The following AKAP6 variants were observed in gnomAD, a reference collection of about 807,000 sequenced individuals.
The protein encoded by AKAP6 is A-kinase anchoring protein 6, also known as A-kinase anchor protein 6.
AKAP6 carries 58 observed loss-of-function variants against 188.5 expected under a neutral mutation model. That is an observed-to-expected ratio of 0.31 (90% CI 0.25 to 0.38). The LOEUF (loss-of-function observed/expected upper bound fraction) is 0.38, where lower values mean the gene tolerates loss of function less well. Ranked by LOEUF, AKAP6 falls within the 10% of genes least tolerant of loss-of-function variation. The pLI is 1.00. For synonymous variants in AKAP6, 989 were observed against 998.6 expected, an observed-to-expected ratio of 0.99 and a Z score of 0.18; for missense variants, 2,710 against 2,740.0, an observed-to-expected ratio of 0.99 and a Z score of 0.24.
intron 12 of AKAP6, among the ~76,000 whole-genome samples, chr14:32,781,929 G>A (rs1045631518): frequency 4.6e-5 from 7 of 152,036 alleles, no homozygotes; most frequent in South Asian, 2.1e-4. Context: ...TTGGGAGGCC[G>A]AGGTGGGTGG....
At chr14:32,487,247 A>G (rs916136618) in intron 2 of AKAP6, among the ~76,000 whole-genome samples, 2 of 152,218 alleles carry the variant, frequency 1.3e-5, no homozygotes, top group Admixed American at 1.3e-4. Flanking sequence ...TTTCACATCA[A>G]TGTTCATCAA....
chr14:32,570,469 A>G, intron 4 of AKAP6, among the ~76,000 whole-genome samples: 1 of 151,920 alleles, frequency 6.6e-6, no homozygotes, highest in East Asian at 1.9e-4. Flanking sequence ...AATCCATCTC[A>G]TTGCCAGCAC....
chr14:32,568,145 G>A lies in AKAP6; in HGVS notation c.2347-8975G>A, dbSNP rs1032884480. Among the ~76,000 whole-genome samples the A allele has an allele frequency of 6.6e-6, 1 of 152,178 alleles. No homozygotes were observed. Among genetic ancestry groups the A allele is most frequent in the African/African-American group, 2.4e-5 (1 of 41,448 alleles). ...TGATTGAACTGTGACAAGAGCTGGG[G>A]TTCTCAGAGAAGCTTGGAAAATAGG... On this transcript the variant is annotated intron_variant, in intron 4 of 13. Coordinates refer to ENST00000280979, the MANE Select transcript of AKAP6 (RefSeq NM_004274.5). This position sits in a 1 kb window ranked among gnomAD's most constrained non-coding sequence, Gnocchi z 6.2.
chr14:32,571,049 A>G (rs1394883321), intron 4 of AKAP6, among the ~76,000 whole-genome samples: 3 of 152,180 alleles, frequency 2.0e-5, no homozygotes, highest in Non-Finnish European at 4.4e-5. Context: ...GGATAACTAT[A>G]GTACCTACCT....
chr14:32,750,702 A>G (rs893360902), intron 11 of AKAP6, among the ~76,000 whole-genome samples: 1 of 151,808 alleles, frequency 6.6e-6, no homozygotes, highest in Non-Finnish European at 1.5e-5. Context: ...TGTAGCCTGG[A>G]CAAGAGAGCA....
At chr14:32,494,428 T>C (rs1234040850) in intron 2 of AKAP6, 1 of 152,204 alleles carries the variant, frequency 6.6e-6, no homozygotes, top group Non-Finnish European at 1.5e-5. Flanking sequence ...GCTAATTTCT[T>C]TTCTTTTCTG....
chr14:32,363,211 T>C (rs940890235), intron 1 of AKAP6, among the ~76,000 whole-genome samples: 2 of 152,152 alleles, frequency 1.3e-5, no homozygotes, highest in African/African-American at 4.8e-5. Context: ...ACTGATCCCA[T>C]GTTGACTATG....
At chr14:32,786,468 C>G (rs561899387) in intron 12 of AKAP6, among the ~76,000 whole-genome samples, 1 of 139,440 alleles carries the variant, frequency 7.2e-6, no homozygotes, top group Non-Finnish European at 1.6e-5. Context: ...CCACCACGCC[C>G]GGCTAATTAT....
chr14:32,423,323 C>G (rs577590878), intron 1 of AKAP6, among the ~76,000 whole-genome samples: 4 of 152,162 alleles, frequency 2.6e-5, no homozygotes, highest in East Asian at 1.9e-4. Flanking sequence ...GTACATGCCA[C>G]CACGCCTGGC....
intron 12 of AKAP6, among the ~76,000 whole-genome samples, chr14:32,808,059 G>A (rs1229657756): frequency 6.6e-6 from 1 of 152,198 alleles, no homozygotes; most frequent in Non-Finnish European, 1.5e-5. Context: ...AATTTGGTGT[G>A]GACTAAAACA....
chr14:32,641,354 T>C (rs542809504), intron 7 of AKAP6, among the ~76,000 whole-genome samples: 1 of 151,468 alleles, frequency 6.6e-6, no homozygotes, highest in South Asian at 2.1e-4. Flanking sequence ...AAAGAAAATT[T>C]TGACTGGGTG....
At chr14:32,434,011 C>T in intron 2 of AKAP6, 194 bp downstream of exon 2, 3 of 589,254 alleles carry the variant, frequency 5.1e-6, no homozygotes, top group Non-Finnish European at 8.8e-6. Context: ...TGCTGATTAT[C>T]TAGAATACAA....
At chr14:32,647,562 G>T (rs1888035891) in intron 7 of AKAP6, among the ~76,000 whole-genome samples, 2 of 152,034 alleles carry the variant, frequency 1.3e-5, no homozygotes, top group Non-Finnish European at 1.5e-5. Flanking sequence ...GCTTTTAAGT[G>T]CAGCTGTCTA....
intron 1 of AKAP6, among the ~76,000 whole-genome samples, chr14:32,376,793 T>C (rs1466372254): frequency 6.6e-6 from 1 of 152,148 alleles, no homozygotes; most frequent in Non-Finnish European, 1.5e-5. Context: ...GCCTCCTGGA[T>C]TCAAGTGATT....
Position 32,803,416 on chromosome 14 carries a change from T to C in AKAP6, c.3589-17986T>C, listed in dbSNP as rs536558236. ...GTTATCTCTGGGTTATTAAGAATAATTTTTATTTTCTTCTTTATATTTTGC... is the reference window on the plus strand; with the variant it reads ...GTTATCTCTGGGTTATTAAGAATAACTTTTATTTTCTTCTTTATATTTTGC... On this transcript the variant is annotated intron_variant, in intron 12 of 13. Coordinates refer to ENST00000280979, the MANE Select transcript of AKAP6 (RefSeq NM_004274.5). Among the ~76,000 whole-genome samples, 6 of 152,310 alleles carry C rather than the reference T, an allele frequency of 3.9e-5. No homozygotes were observed. The South Asian group carries it at 1.2e-3, about 32-fold the overall frequency.
At chr14:32,672,255 G>T (rs924276615) in intron 7 of AKAP6, among the ~76,000 whole-genome samples, 1 of 152,180 alleles carries the variant, frequency 6.6e-6, no homozygotes, top group African/African-American at 2.4e-5. Context: ...ATAAAGGGGG[G>T]AAACATGCTG....
At position 32,723,559 on chromosome 14, in the gene AKAP6, A is replaced by ATGTG. The variant is rs35524964; in HGVS notation, c.3001-8865_3001-8862dup. Among the ~76,000 whole-genome samples, 33 of 137,142 alleles carry ATGTG rather than the reference A, an allele frequency of 2.4e-4. 1 individual carries two copies. In the South Asian group the frequency reaches 7.2e-3, roughly 30 times the overall value. The allele number at this position is 137,142 out of a possible 152,430, so 90.0% of individuals were successfully genotyped here. A position where few individuals can be genotyped will look rare whatever the true frequency, so the allele number is the denominator to read the frequency against. ...TATATATATGTGTGCGTATGTGTTTATGTGTGTGTGTGTGTGTGTGTGTGT... is the reference window on the plus strand; with the variant it reads ...TATATATATGTGTGCGTATGTGTTTATGTGTGTGTGTGTGTGTGTGTGTGTGTGT... On this transcript the variant is annotated intron_variant, in intron 9 of 13. Transcript: ENST00000280979.
chr14:32,467,254 C>T (rs1878518400), intron 2 of AKAP6, among the ~76,000 whole-genome samples: 1 of 150,788 alleles, frequency 6.6e-6, no homozygotes, highest in Admixed American at 6.6e-5. Flanking sequence ...TATCTTTTAG[C>T]AATATGTACT....
chr14:32,348,457 C>T (rs1887150752), intron 1 of AKAP6, among the ~76,000 whole-genome samples: 1 of 141,942 alleles, frequency 7.0e-6, no homozygotes, highest in South Asian at 2.3e-4. Context: ...TCTTGTTGCC[C>T]AGGCTAAAGT....
Sources: allele counts gnomAD v4.1 joint callset (sites outside exome capture counted in the v4.1 genomes callset), GRCh38; gene constraint gnomAD v4.1.1; non-coding constraint Gnocchi (gnomAD v3.1); transcripts MANE v1.5; gene names NCBI Gene and HGNC (gene_info 2026-07-23, HGNC 2026-07-21).